The following RSPO2 variants were observed in gnomAD, a reference collection of about 807,000 sequenced individuals.
RSPO2 encodes the protein R-spondin-2.
A neutral mutation model predicts 30.9 loss-of-function variants in RSPO2; 14 were observed. The observed-to-expected ratio is 0.45, with a 90% CI of 0.30 to 0.71. The LOEUF (loss-of-function observed/expected upper bound fraction) is 0.71, where lower values mean the gene tolerates loss of function less well. Ranked by LOEUF, RSPO2 falls within the 30% of genes least tolerant of loss-of-function variation. The pLI, the probability that RSPO2 is intolerant of heterozygous loss-of-function variation, is 0.08. For missense variants in RSPO2, 264 were observed against 301.9 expected (o/e 0.87, Z 0.93); for synonymous variants, 107 against 96.4 (o/e 1.11, Z -0.64).
At chr8:107,987,920 A>T (rs1005609133) in intron 3 of RSPO2, among the ~76,000 whole-genome samples, 2 of 152,144 alleles carry the variant, frequency 1.3e-5, no homozygotes, top group Non-Finnish European at 2.9e-5. Context: ...TCATATATAT[A>T]TGAGTGATTT....
At chr8:107,921,466 G>C (rs563288933) in intron 5 of RSPO2, among the ~76,000 whole-genome samples, 3 of 152,012 alleles carry the variant, frequency 2.0e-5, no homozygotes, top group African/African-American at 7.2e-5. Flanking sequence ...AACAGCAGAG[G>C]CCACAAAATC....
chr8:108,072,031 A>G (rs1379323737), intron 2 of RSPO2, among the ~76,000 whole-genome samples: 1 of 152,172 alleles, frequency 6.6e-6, no homozygotes, highest in African/African-American at 2.4e-5. Flanking sequence ...TTACCCCCAA[A>G]GAGTTATATT....
intron 3 of RSPO2, among the ~76,000 whole-genome samples, chr8:107,976,222 CT>C (rs1306316005): frequency 1.3e-5 from 2 of 152,136 alleles, no homozygotes; most frequent in African/African-American, 4.8e-5. Flanking sequence ...TGATGTATTT[CT>C]TTTTTATGAT....
intron 2 of RSPO2, among the ~76,000 whole-genome samples, chr8:108,016,144 C>T (rs1487565696): frequency 6.6e-6 from 1 of 152,098 alleles, no homozygotes; most frequent in East Asian, 1.9e-4. Flanking sequence ...CAGGACCATC[C>T]AAAATAGTCA....
At chr8:107,946,347 G>A (rs1326864948) in intron 5 of RSPO2, among the ~76,000 whole-genome samples, 1 of 152,218 alleles carries the variant, frequency 6.6e-6, no homozygotes, top group Non-Finnish European at 1.5e-5. Context: ...TCAAAGATAG[G>A]ACTGCAAGCC....
intron 5 of RSPO2, among the ~76,000 whole-genome samples, chr8:107,941,319 CAAG>C (rs1299514782): frequency 1.3e-5 from 2 of 152,090 alleles, no homozygotes; most frequent in Admixed American, 6.6e-5. Context: ...AATCAAACTG[CAAG>C]AAGGTCTAGG....
At chr8:107,963,791 T>C (rs1813709878) in intron 3 of RSPO2, among the ~76,000 whole-genome samples, 1 of 152,182 alleles carries the variant, frequency 6.6e-6, no homozygotes, top group South Asian at 2.1e-4. Flanking sequence ...TGCCACTTCA[T>C]TAACATTGTA....
chr8:107,926,044 C>A (rs1200029313), intron 5 of RSPO2, among the ~76,000 whole-genome samples: 1 of 152,188 alleles, frequency 6.6e-6, no homozygotes, highest in Non-Finnish European at 1.5e-5. Context: ...GTTCCTATTT[C>A]TCCACATCCT....
intron 5 of RSPO2, among the ~76,000 whole-genome samples, chr8:107,919,272 A>G (rs982654149): frequency 2.6e-5 from 4 of 152,176 alleles, no homozygotes; most frequent in African/African-American, 9.6e-5. Context: ...GATTGAAACT[A>G]CCATTGCAAA....
At chr8:107,963,522 CAAAAAAAA>C (rs61697128) in intron 3 of RSPO2, among the ~76,000 whole-genome samples, 4 of 32,020 alleles carry the variant, frequency 1.2e-4, no homozygotes, top group East Asian at 1.2e-3. Context: ...AGACCTGTCT[CAAAAAAAA>C]AAAAAAAAAA....
intron 2 of RSPO2, among the ~76,000 whole-genome samples, chr8:108,041,802 C>T (rs1260222315): frequency 6.6e-6 from 1 of 151,844 alleles, no homozygotes; most frequent in Non-Finnish European, 1.5e-5. Context: ...AGAGTAAATC[C>T]CAACTGAGAC....
intron 5 of RSPO2, among the ~76,000 whole-genome samples, chr8:107,948,467 C>T (rs1813135935): frequency 6.6e-6 from 1 of 152,114 alleles, no homozygotes; most frequent in South Asian, 2.1e-4. Context: ...ATAGCTTTGA[C>T]ACAGATTAAG....
At chr8:107,924,221 G>A (rs1053278185) in intron 5 of RSPO2, among the ~76,000 whole-genome samples, 2 of 151,890 alleles carry the variant, frequency 1.3e-5, no homozygotes, top group Admixed American at 1.3e-4. Flanking sequence ...GTAGGAAATC[G>A]GCCACAGAAA....
intron 2 of RSPO2, among the ~76,000 whole-genome samples, chr8:108,046,790 C>A (rs955889335): frequency 1.3e-5 from 2 of 152,092 alleles, no homozygotes; most frequent in African/African-American, 4.8e-5. Context: ...CCTATTAATT[C>A]CCCCTCCCAA....
At chr8:108,042,848 C>A (rs1811798146) in intron 2 of RSPO2, among the ~76,000 whole-genome samples, 1 of 152,140 alleles carries the variant, frequency 6.6e-6, no homozygotes, top group African/African-American at 2.4e-5. Context: ...TCAGGCCCAG[C>A]TTTAGACCCT....
intron 3 of RSPO2, among the ~76,000 whole-genome samples, chr8:107,962,430 A>G (rs656624): frequency 0.54 from 82,376 of 151,940 alleles, 24,058 homozygotes; most frequent in East Asian, 0.7. Flanking sequence ...TGCAACTTCT[A>G]AAATGTTACC....
At chr8:107,950,167 T>C (rs113468567) in intron 5 of RSPO2, among the ~76,000 whole-genome samples, 11 of 152,328 alleles carry the variant, frequency 7.2e-5, no homozygotes, top group African/African-American at 2.6e-4. Flanking sequence ...GTGTCTGAAA[T>C]TGGAATAAGT....
intron 5 of RSPO2, among the ~76,000 whole-genome samples, chr8:107,928,767 G>C (rs1464992061): frequency 6.6e-6 from 1 of 152,118 alleles, no homozygotes; most frequent in Non-Finnish European, 1.5e-5. Flanking sequence ...TGTGAAGTGT[G>C]AGAAATAGTA....
chr8:107,931,499 T>C (rs1288463197), intron 5 of RSPO2, among the ~76,000 whole-genome samples: 1 of 152,104 alleles, frequency 6.6e-6, no homozygotes, highest in Non-Finnish European at 1.5e-5. Context: ...ATCATTTGTA[T>C]CAAGGCACAG....
Sources: allele counts gnomAD v4.1 joint callset (sites outside exome capture counted in the v4.1 genomes callset), GRCh38; gene constraint gnomAD v4.1.1; transcripts MANE v1.5; gene names NCBI Gene and HGNC (gene_info 2026-07-23, HGNC 2026-07-21).